COQ10B: variants seen among roughly 807,000 people sequenced by gnomAD.
COQ10B encodes coenzyme Q10B.
In COQ10B, 12 loss-of-function variants were observed where a neutral mutation model predicts 27.6. The ratio of observed to expected loss-of-function variants is 0.43; its 90% CI spans 0.28 to 0.70. The LOEUF is 0.70. Ranked by LOEUF, COQ10B falls within the 30% of genes least tolerant of loss-of-function variation. COQ10B has a pLI of 0.17. For missense variants in COQ10B, 278 were observed against 288.7 expected, an observed-to-expected ratio of 0.96 and a Z score of 0.27; for synonymous variants, 115 against 103.0, an observed-to-expected ratio of 1.12 and a Z score of -0.71.
chr2:197,459,665 T>C (rs904313881), intron 1 of COQ10B, among the ~76,000 whole-genome samples: 7 of 152,044 alleles, frequency 4.6e-5, no homozygotes, highest in Admixed American at 4.6e-4. Context: ...AGTTGTAACA[T>C]GTGACTACAG....
chr2:197,456,685 A>G (rs528895379), intron 1 of COQ10B, among the ~76,000 whole-genome samples: 1 of 151,508 alleles, frequency 6.6e-6, no homozygotes, highest in Admixed American at 6.6e-5. Context: ...GAATGGCGTG[A>G]ACCCGGGAGG....
chr2:197,467,630 G>A (rs969783135), intron 3 of COQ10B, among the ~76,000 whole-genome samples: 1 of 152,096 alleles, frequency 6.6e-6, no homozygotes, highest in Non-Finnish European at 1.5e-5. Context: ...GCCCGCCTTG[G>A]CCTCCCAAAG....
intron 1 of COQ10B, chr2:197,453,896 A>G: frequency 6.8e-7 from 1 of 1,479,958 alleles, no homozygotes. Context: ...GCGGTGAATC[A>G]TCGGCGAAGC....
At chr2:197,472,800 CAAAA>C (rs34942079) in intron 4 of COQ10B, among the ~76,000 whole-genome samples, 3 of 96,072 alleles carry the variant, frequency 3.1e-5, no homozygotes, top group African/African-American at 1.2e-4. Context: ...GGCTCCATCT[CAAAA>C]AAAAAAAAAA....
intron 1 of COQ10B, among the ~76,000 whole-genome samples, chr2:197,458,157 C>T (rs2085720078): frequency 6.6e-6 from 1 of 150,582 alleles, no homozygotes; most frequent in South Asian, 2.1e-4. Context: ...ATCACTGTCG[C>T]CCAGGCTGGA....
chr2:197,468,540 C>T (rs1281628440), intron 3 of COQ10B, among the ~76,000 whole-genome samples: 3 of 151,708 alleles, frequency 2.0e-5, no homozygotes, highest in Non-Finnish European at 4.4e-5. Context: ...TTCCTATAAG[C>T]TTCTTAAATG....
intron 4 of COQ10B, among the ~76,000 whole-genome samples, chr2:197,473,423 T>C (rs1166255327): frequency 2.5e-5 from 2 of 79,052 alleles, no homozygotes; most frequent in Non-Finnish European, 5.1e-5. Flanking sequence ...AAAATATATA[T>C]ATATATATAT....
chr2:197,463,534 A>C (rs2085784010), intron 3 of COQ10B, among the ~76,000 whole-genome samples: 1 of 151,918 alleles, frequency 6.6e-6, no homozygotes, highest in African/African-American at 2.4e-5. Flanking sequence ...TGGGAACCCA[A>C]GAAGTTGAGG....
intron 3 of COQ10B, among the ~76,000 whole-genome samples, chr2:197,463,509 G>C (rs2085783892): frequency 6.6e-6 from 1 of 151,090 alleles, no homozygotes; most frequent in Admixed American, 6.6e-5. Context: ...AATATGTCAT[G>C]TCAGGCAGCT....
chr2:197,462,856 A>G (rs1002425012), intron 3 of COQ10B, 125 bp downstream of exon 3: 7 of 554,572 alleles, frequency 1.3e-5, no homozygotes, highest in East Asian at 9.6e-5. Flanking sequence ...AAAATTTATT[A>G]TATCTCCTAA....
At chr2:197,464,221 C>T (rs1418532855) in intron 3 of COQ10B, among the ~76,000 whole-genome samples, 2 of 151,138 alleles carry the variant, frequency 1.3e-5, no homozygotes, top group East Asian at 1.9e-4. Flanking sequence ...AAAAGGGTAC[C>T]GACCTTAAAA....
chr2:197,466,189 C>G (rs1390767088), intron 3 of COQ10B, among the ~76,000 whole-genome samples: 1 of 152,206 alleles, frequency 6.6e-6, no homozygotes, highest in Non-Finnish European at 1.5e-5. Context: ...TCCCTCCTCC[C>G]ACGTAATACT....
chr2:197,463,176 A>C (rs1479092870), intron 3 of COQ10B, among the ~76,000 whole-genome samples: 1 of 152,192 alleles, frequency 6.6e-6, no homozygotes, highest in Non-Finnish European at 1.5e-5. Context: ...GGATAAAGAA[A>C]GGTAGAAAAG....
rs556943918 is a variant in COQ10B, at chr2:197,474,753, A to T, written c.*829A>T. ...TTTTGATATTTTAAAAATTGTTCTT[A>T]TGACTAGTAGATAAATTCATTGCCA... is the stretch of plus-strand genomic sequence containing the variant. On this transcript the variant is annotated 3_prime_UTR_variant, in exon 5 of 5. Coordinates refer to ENST00000263960, the MANE Select transcript of COQ10B (RefSeq NM_025147.5). 6.6e-6 allele frequency: 1 copy of T among 151,974 alleles called. No individual in the cohort carries two copies. Among genetic ancestry groups the T allele is most frequent in the Non-Finnish European group, 1.5e-5 (1 of 68,006 alleles). 9.4% of individuals were successfully genotyped at this position (151,974 alleles called of 1,614,324 possible). A position where few individuals can be genotyped will look rare whatever the true frequency, so the allele number is the denominator to read the frequency against.
intron 1 of COQ10B, 32 bp downstream of exon 1, chr2:197,453,696 T>C (rs1478217624): frequency 1.9e-6 from 3 of 1,569,206 alleles, no homozygotes; most frequent in Non-Finnish European, 2.6e-6. Flanking sequence ...GAGACGAGAG[T>C]AGTTTTCGAT....
chr2:197,463,992 T>TACAC (rs1217491415), intron 3 of COQ10B, among the ~76,000 whole-genome samples: 27 of 65,800 alleles, frequency 4.1e-4, no homozygotes, highest in South Asian at 1.1e-3. Flanking sequence ...TATATATATA[T>TACAC]ATATACACAC....
intron 3 of COQ10B, among the ~76,000 whole-genome samples, chr2:197,463,970 T>A (rs1362044612): frequency 8.5e-5 from 4 of 46,852 alleles, no homozygotes; most frequent in African/African-American, 1.9e-4. Context: ...AAAAAATATA[T>A]ATATATATAT....
At chr2:197,469,174 A>G (rs2106056689) in intron 3 of COQ10B, among the ~76,000 whole-genome samples, 1 of 152,338 alleles carries the variant, frequency 6.6e-6, no homozygotes. Flanking sequence ...ACTTGGGACT[A>G]CTGGCATGCA....
At chr2:197,459,563 A>G (rs981417732) in intron 1 of COQ10B, among the ~76,000 whole-genome samples, 3 of 152,146 alleles carry the variant, frequency 2.0e-5, no homozygotes, top group Non-Finnish European at 4.4e-5. Context: ...GAATTAAGAA[A>G]CACCTGTGGA....
Sources: allele counts gnomAD v4.1 joint callset (sites outside exome capture counted in the v4.1 genomes callset), GRCh38; gene constraint gnomAD v4.1.1; transcripts MANE v1.5; gene names NCBI Gene and HGNC (gene_info 2026-07-23, HGNC 2026-07-21).